Variants in TRABD observed in about 807,000 individuals in gnomAD.
The protein encoded by TRABD is TraB domain containing.
TRABD carries 23 observed loss-of-function variants against 39.6 expected under a neutral mutation model. The ratio of observed to expected loss-of-function variants is 0.58; its 90% CI spans 0.42 to 0.82. The LOEUF (loss-of-function observed/expected upper bound fraction) is 0.82. Ranked by LOEUF, TRABD falls within the 40% of genes least tolerant of loss-of-function variation. The pLI, the probability that TRABD is intolerant of heterozygous loss-of-function variation, is 0.00. For missense variants in TRABD, 487 were observed against 544.9 expected (o/e 0.89, Z 1.06); for synonymous variants, 243 against 232.1 (o/e 1.05, Z -0.43).
intron 3 of TRABD, among the ~76,000 whole-genome samples, 174 bp from the exon 4 acceptor site, chr22:50,194,166 T>C (rs1049914830): frequency 6.6e-6 from 1 of 152,232 alleles, no homozygotes; most frequent in African/African-American, 2.4e-5. Context: ...GTAGCCGGTG[T>C]TCCCATCACT....
intron 5 of TRABD, among the ~76,000 whole-genome samples, chr22:50,195,656 G>T (rs2064076894): frequency 6.6e-6 from 1 of 151,788 alleles, no homozygotes; most frequent in South Asian, 2.1e-4. Flanking sequence ...TAGAGACGGG[G>T]TTTCACCATG....
chr22:50,195,461 G>A (rs9617045), intron 5 of TRABD, among the ~76,000 whole-genome samples: 31,715 of 151,408 alleles, frequency 0.21, 3,362 homozygotes, highest in East Asian at 0.26. Context: ...TTGTGTTTTC[G>A]GTTTTTGTTT....
chr22:50,187,412 G>T (rs971941326), intron 1 of TRABD, among the ~76,000 whole-genome samples: 1 of 152,250 alleles, frequency 6.6e-6, no homozygotes. Flanking sequence ...GGAGGTCAAA[G>T]CTCTGGGCCA....
rs777904258 is a variant in TRABD at position 50,197,947 on chromosome 22, A to G, written c.796A>G (p.Met266Val). The G allele has an allele frequency of 1.1e-5, 18 of 1,612,556 alleles. No homozygotes were observed. The East Asian group carries it at 1.8e-4, about 16-fold the overall frequency. ...GGAGCGCGACGTCTACCTAACCTAC[A>G]TGCTGCGCCAGGCCGCGCGGCGCCT... ...VSERDVYLTY[M>V]LRQAARRLEL... The change falls in exon 8 of 10, where the codon ATG becomes GTG. Residue 266 changes from methionine to valine, a missense_variant. Around this residue, in one of 3 missense-constraint regions of TRABD, gnomAD observed 358 missense variants for 414.7 expected, o/e 0.86. Transcript: ENST00000380909.
rs759443561 is a variant in TRABD, at chr22:50,197,616, G to A, written c.671+28G>A. On this transcript the variant is annotated intron_variant, in intron 7 of 9. Coordinates refer to ENST00000380909, the MANE Select transcript of TRABD (RefSeq NM_001320485.2). ...AGGGCTGCCCCCGGGACCCTGGCCG[G>A]CCTGCAGGGTGGTCTGTGGGAGGCT... 42 of 1,609,548 alleles carry A rather than the reference G, an allele frequency of 2.6e-5. No homozygotes were observed. The East Asian group carries it at 9.4e-4, about 36-fold the overall frequency.
intron 1 of TRABD, among the ~76,000 whole-genome samples, chr22:50,191,247 G>A (rs1287445440): frequency 3.3e-5 from 5 of 152,176 alleles, no homozygotes; most frequent in Admixed American, 2.6e-4. Flanking sequence ...GCCTCTGGTT[G>A]CACTGAGACA....
intron 1 of TRABD, among the ~76,000 whole-genome samples, chr22:50,192,796 G>A (rs374405467): frequency 5.0e-4 from 5 of 10,014 alleles, no homozygotes; most frequent in Non-Finnish European, 8.4e-4. Flanking sequence ...TCTGCGTTTG[G>A]TTTATGCTGG....
In TRABD at chr22:50,198,835, CT is replaced by C; in HGVS notation, c.*317del. 3.7e-6 allele frequency: 2 copies of C among 547,306 alleles called. No individual in the cohort carries two copies. The highest frequency in any genetic ancestry group is 3.2e-6 in the Non-Finnish European group (1 of 307,934). The allele number at this position is 547,306 out of a possible 1,614,324, so 33.9% of individuals were successfully genotyped here. A position where few individuals can be genotyped will look rare whatever the true frequency, so the allele number is the denominator to read the frequency against. On this transcript the variant is annotated 3_prime_UTR_variant, in exon 10 of 10. Coordinates refer to ENST00000380909, the MANE Select transcript of TRABD (RefSeq NM_001320485.2). This position sits in a 1 kb window ranked among gnomAD's most constrained non-coding sequence, Gnocchi z 7.9. ...GAGGGGCCGAGGCGTGCGCTGCCCTCTCAGCCCTGGTGGCAGGCGGGGGACA... is the reference window on the plus strand; with the variant it reads ...GAGGGGCCGAGGCGTGCGCTGCCCTCCAGCCCTGGTGGCAGGCGGGGGACA...
intron 7 of TRABD, 58 bp from the exon 8 acceptor site, chr22:50,197,765 C>CCCCCCCCCCCCCCCCCCTTGG: frequency 1.3e-6 from 1 of 754,056 alleles, no homozygotes; most frequent in Non-Finnish European, 2.2e-6. Flanking sequence ...ACAGTGCCAG[C>CCCCCCCCCCCCCCCCCCTTGG]CCCACCCCCC....
At position 50,198,030 on chromosome 22, in the gene TRABD, A is replaced by C. The variant is rs750618446; in HGVS notation, c.844+35A>C. 3 of 1,610,736 alleles carry C rather than the reference A, an allele frequency of 1.9e-6. No homozygotes were observed. The highest frequency in any genetic ancestry group is 2.5e-6 in the Non-Finnish European group (3 of 1,178,564). ...GCCCGCAGGCGTGGGACCCCCTGTG[A>C]GGCTGAGGCCCGAGCAGGTACTGAC... On this transcript the variant is annotated intron_variant, in intron 8 of 9. Transcript: ENST00000380909. The surrounding 1 kb of genome is among the most constrained non-coding windows in gnomAD (Gnocchi z 7.9).
chr22:50,197,764 G>GCCCCCCCCCCCCCCC, intron 7 of TRABD, 59 bp from the exon 8 acceptor site: 43 of 1,284,386 alleles, frequency 3.3e-5, no homozygotes, highest in Non-Finnish European at 3.4e-5. Flanking sequence ...CACAGTGCCA[G>GCCCCCCCCCCCCCCC]CCCCACCCCC....
At position 50,198,725 on chromosome 22, in the gene TRABD, G is replaced by A. The variant is rs1013505534; in HGVS notation, c.*206G>A. On this transcript the variant is annotated 3_prime_UTR_variant, in exon 10 of 10. Transcript: ENST00000380909. The surrounding 1 kb of genome is among the most constrained non-coding windows in gnomAD (Gnocchi z 7.9). Reference sequence around the variant, plus strand: ...TTAACTGTCTGAGCTCAGGCCTCCCGGCAGCCCCTCCCCTCCCACACTGCA... The same window carrying A: ...TTAACTGTCTGAGCTCAGGCCTCCCAGCAGCCCCTCCCCTCCCACACTGCA... 3.2e-5 allele frequency: 18 copies of A among 555,770 alleles called. No homozygotes were observed. Among genetic ancestry groups the A allele is most frequent in the African/African-American group, 1.4e-4 (7 of 50,748 alleles). 34.4% of individuals were successfully genotyped at this position (555,770 alleles called of 1,614,324 possible).
intron 1 of TRABD, among the ~76,000 whole-genome samples, chr22:50,186,325 C>T (rs964441001): frequency 1.5e-5 from 2 of 130,010 alleles, no homozygotes; most frequent in African/African-American, 6.0e-5. Flanking sequence ...TTGGGGGGGC[C>T]AGGCCCGGGT....
At chr22:50,193,313 C>T (rs2063975102) in intron 2 of TRABD, among the ~76,000 whole-genome samples, 2 of 152,104 alleles carry the variant, frequency 1.3e-5, no homozygotes, top group African/African-American at 4.8e-5. Flanking sequence ...CAGTGATGGC[C>T]AAGCAGGAGG....
chr22:50,193,142 C>T (rs1602442998), intron 2 of TRABD, 49 bp downstream of exon 2: 6 of 1,511,200 alleles, frequency 4.0e-6, no homozygotes, highest in East Asian at 4.9e-5. Context: ...CGGGGGGCTT[C>T]CCCGCTTTGT....
Position 50,194,453 on chromosome 22 carries a change from T to C in TRABD, c.226T>C (p.Tyr76His). 6.2e-7 allele frequency: 1 copy of C among 1,610,592 alleles called. No homozygotes were observed. Among genetic ancestry groups the C allele is most frequent in the Non-Finnish European group, 8.5e-7 (1 of 1,178,802 alleles). ...QLVAEDGSRVYVVGTAHFSDD... is the reference protein window; with the variant it reads ...QLVAEDGSRVHVVGTAHFSDD... ...GGTGGCTGAGGACGGGAGCAGGGTG[T>C]ACGTGGTGGGGACAGCCCACTTCAG... Residue 76 changes from tyrosine (Y) to histidine (H), a missense_variant, in exon 4 of 10, where the codon TAC becomes CAC. Transcript: ENST00000380909.
intron 3 of TRABD, 61 bp downstream of exon 3, chr22:50,193,715 G>C (rs1602446080): frequency 5.2e-6 from 8 of 1,538,254 alleles, no homozygotes; most frequent in Non-Finnish European, 6.3e-6. Context: ...TCAGGGAGGA[G>C]GGGGAGGCAG....
chr22:50,197,765 C>CCCCCCCCCCCCCCCCCCCCTG, intron 7 of TRABD, 58 bp from the exon 8 acceptor site: 2 of 754,058 alleles, frequency 2.7e-6, no homozygotes, highest in Non-Finnish European at 4.4e-6. Flanking sequence ...ACAGTGCCAG[C>CCCCCCCCCCCCCCCCCCCCTG]CCCACCCCCC....
intron 1 of TRABD, among the ~76,000 whole-genome samples, chr22:50,186,445 G>T (rs984163946): frequency 6.6e-6 from 1 of 152,132 alleles, no homozygotes; most frequent in African/African-American, 2.4e-5. Flanking sequence ...CGGCGCTGCC[G>T]AGGAGCGGAG....
Sources: gnomAD v4.1 joint callset for allele counts (sites outside exome capture counted in the v4.1 genomes callset) on GRCh38, gnomAD v4.1.1 for gene constraint, gnomAD v4.1.1 regional missense constraint, Gnocchi (gnomAD v3.1) non-coding constraint, MANE v1.5 for transcripts, NCBI Gene and HGNC (gene_info 2026-07-23, HGNC 2026-07-21) for gene names.